The following UBE2H variants were observed in gnomAD, a reference collection of about 807,000 sequenced individuals.
UBE2H encodes the protein ubiquitin conjugating enzyme E2 H, also known as ubiquitin-conjugating enzyme E2 H.
A neutral mutation model predicts 29.0 loss-of-function variants in UBE2H; 3 were observed. The ratio of observed to expected loss-of-function variants is 0.10; its 90% CI spans 0.05 to 0.27. UBE2H has a LOEUF of 0.27. UBE2H is among the 10% of genes least tolerant of loss of function. The pLI is 1.00. For missense variants in UBE2H, 68 were observed against 228.2 expected (o/e 0.30, Z 4.52); for synonymous variants, 69 against 82.9 (o/e 0.83, Z 0.91).
At chr7:129,878,007 C>A (rs1044318449) in intron 3 of UBE2H, among the ~76,000 whole-genome samples, 1 of 152,102 alleles carries the variant, frequency 6.6e-6, no homozygotes, top group Non-Finnish European at 1.5e-5. Context: ...TCTGAATGAA[C>A]TTGCATGGAC....
chr7:129,835,874 A>G (rs1381008507), intron 6 of UBE2H, among the ~76,000 whole-genome samples: 1 of 152,230 alleles, frequency 6.6e-6, no homozygotes, highest in African/African-American at 2.4e-5. Context: ...TTTTCCTCCT[A>G]TAGAGTTGCG....
At chr7:129,898,813 C>CTTTTTTTTT (rs60318810) in intron 1 of UBE2H, among the ~76,000 whole-genome samples, 12 of 145,812 alleles carry the variant, frequency 8.2e-5, no homozygotes, top group Non-Finnish European at 1.2e-4. Flanking sequence ...AGTTGCAGGC[C>CTTTTTTTTT]TTTTTTTTTT....
intron 1 of UBE2H, among the ~76,000 whole-genome samples, chr7:129,892,163 A>G (rs1806507742): frequency 6.6e-6 from 1 of 151,900 alleles, no homozygotes; most frequent in Non-Finnish European, 1.5e-5. Flanking sequence ...CGTAGCCAGG[A>G]TGGTCTCAAT....
At chr7:129,858,872 A>C in intron 4 of UBE2H, 30 bp downstream of exon 4, 1 of 1,597,950 alleles carries the variant, frequency 6.3e-7, no homozygotes, top group Non-Finnish European at 8.6e-7. Context: ...GTTGCTGCTA[A>C]AATTGAAACA....
chr7:129,889,177 T>C (rs1355042490), intron 1 of UBE2H, among the ~76,000 whole-genome samples: 1 of 152,244 alleles, frequency 6.6e-6, no homozygotes, highest in Non-Finnish European at 1.5e-5. Context: ...CAGTATTCCA[T>C]GCACAGTGCA....
chr7:129,866,741 A>T (rs755081978), intron 3 of UBE2H, among the ~76,000 whole-genome samples: 2 of 152,200 alleles, frequency 1.3e-5, no homozygotes, highest in Non-Finnish European at 2.9e-5. Flanking sequence ...GTAACAATAC[A>T]TTTTTTAAAA....
intron 1 of UBE2H, among the ~76,000 whole-genome samples, chr7:129,891,427 T>C (rs1458304006): frequency 3.9e-5 from 6 of 152,038 alleles, no homozygotes; most frequent in Non-Finnish European, 8.8e-5. Flanking sequence ...ACTCACAGAA[T>C]TGTGGAAAAT....
intron 5 of UBE2H, among the ~76,000 whole-genome samples, chr7:129,849,962 C>G (rs1805579698): frequency 6.6e-6 from 1 of 152,082 alleles, no homozygotes; most frequent in African/African-American, 2.4e-5. Flanking sequence ...ATGAAGAGGG[C>G]CATGCAGGCA....
intron 5 of UBE2H, among the ~76,000 whole-genome samples, chr7:129,843,226 C>T (rs183734754): frequency 2.8e-4 from 43 of 152,122 alleles, no homozygotes; most frequent in African/African-American, 1.0e-3. Flanking sequence ...GTCTCGATCT[C>T]CTGACCTCGT....
At chr7:129,923,631 A>G (rs1324395642) in intron 1 of UBE2H, among the ~76,000 whole-genome samples, 1 of 152,208 alleles carries the variant, frequency 6.6e-6, no homozygotes, top group African/African-American at 2.4e-5. Context: ...CTCAGGTAGG[A>G]GAGGTTCTAA....
At position 129,834,861 on chromosome 7, in the gene UBE2H, T is replaced by G; in HGVS notation, c.*76A>C. ...TTTAGTAATAAAAAAAATTGCTTTG[T>G]TTAAATATGAATATTATAGTCTGCT... is the stretch of plus-strand genomic sequence containing the variant. On this transcript the variant is annotated 3_prime_UTR_variant, in exon 7 of 7. Coordinates refer to ENST00000355621, the MANE Select transcript of UBE2H (RefSeq NM_003344.4). The G allele has an allele frequency of 6.4e-7, 1 of 1,565,570 alleles. No individual in the cohort carries two copies. The highest frequency in any genetic ancestry group is 8.6e-7 in the Non-Finnish European group (1 of 1,160,654).
intron 1 of UBE2H, among the ~76,000 whole-genome samples, chr7:129,891,186 A>T (rs1267691720): frequency 6.6e-6 from 1 of 151,178 alleles, no homozygotes; most frequent in Non-Finnish European, 1.5e-5. Context: ...CTCTTTTTTA[A>T]TTTTTTATTT....
chr7:129,840,999 G>A, intron 5 of UBE2H, among the ~76,000 whole-genome samples: 1 of 152,168 alleles, frequency 6.6e-6, no homozygotes, highest in East Asian at 1.9e-4. Context: ...GGCATCCGGT[G>A]GGTGAAGGCC....
intron 1 of UBE2H, among the ~76,000 whole-genome samples, chr7:129,919,456 C>A (rs184945062): frequency 6.6e-6 from 1 of 152,272 alleles, no homozygotes; most frequent in Admixed American, 6.5e-5. Flanking sequence ...CTGCTTATTC[C>A]TTGGCCTCAC....
chr7:129,935,414 G>GA (rs77698999), intron 1 of UBE2H, among the ~76,000 whole-genome samples: 2,311 of 81,968 alleles, frequency 0.028, 26 homozygotes, highest in African/African-American at 0.06. Context: ...CTGTCTCAAA[G>GA]AAAAAAAAAA....
intron 1 of UBE2H, among the ~76,000 whole-genome samples, chr7:129,921,641 G>C (rs141159291): frequency 1.4e-5 from 2 of 145,324 alleles, no homozygotes; most frequent in Non-Finnish European, 3.0e-5. Context: ...AGAGGTTGTA[G>C]TGAGCTGAGA....
intron 1 of UBE2H, among the ~76,000 whole-genome samples, chr7:129,923,960 T>C (rs1219389354): frequency 2.6e-5 from 4 of 152,218 alleles, no homozygotes; most frequent in African/African-American, 9.6e-5. Flanking sequence ...CTACCATCCG[T>C]AACAACAGCA....
At chr7:129,891,112 G>C (rs1806475411) in intron 1 of UBE2H, among the ~76,000 whole-genome samples, 1 of 150,618 alleles carries the variant, frequency 6.6e-6, no homozygotes, top group African/African-American at 2.5e-5. Flanking sequence ...CTCCAGCCTG[G>C]GTGACAGAGC....
rs138917464 is a variant in UBE2H, at chr7:129,856,565, C to T, written c.298+946G>A. 2.5e-3 allele frequency among the ~76,000 whole-genome samples: 374 copies of T among 152,268 alleles called. 3 individuals carry two copies. The highest frequency in any genetic ancestry group is 8.5e-3 in the African/African-American group (352 of 41,536). ...AATGGTATCCAGAGATTACTTCCAG[C>T]TGGAGAATCAGCGGAAGTATACGGG... is the stretch of plus-strand genomic sequence containing the variant. On this transcript the variant is annotated intron_variant, in intron 5 of 6. Transcript: ENST00000355621.
Sources: allele counts gnomAD v4.1 joint callset (sites outside exome capture counted in the v4.1 genomes callset), GRCh38; gene constraint gnomAD v4.1.1; transcripts MANE v1.5; gene names NCBI Gene and HGNC (gene_info 2026-07-23, HGNC 2026-07-21).